The following GMDS variants were observed in gnomAD, a reference collection of about 807,000 sequenced individuals.
GMDS encodes GDP-mannose 4,6 dehydratase.
In GMDS, 20 loss-of-function variants were observed where a neutral mutation model predicts 49.9. The ratio of observed to expected loss-of-function variants is 0.40; its 90% CI spans 0.28 to 0.58. The LOEUF (loss-of-function observed/expected upper bound fraction) is 0.58, where lower values mean the gene tolerates loss of function less well. GMDS is among the 20% of genes least tolerant of loss of function. GMDS has a pLI of 0.42. For synonymous variants in GMDS, 177 were observed against 178.6 expected, an observed-to-expected ratio of 0.99 and a Z score of 0.07; for missense variants, 362 against 481.4, an observed-to-expected ratio of 0.75 and a Z score of 2.32.
chr6:1,671,813 C>T lies in GMDS; in HGVS notation c.988-47273G>A, dbSNP rs552537538. Among the ~76,000 whole-genome samples the T allele has an allele frequency of 1.9e-4, 29 of 151,856 alleles. 1 individual carries two copies. The highest frequency in any genetic ancestry group is 5.6e-4 in the African/African-American group (23 of 41,376). On this transcript the variant is annotated intron_variant, in intron 9 of 10. Transcript: ENST00000380815. Reference sequence around the variant, plus strand: ...CCGAATAGCTGGGATTACAGGTGTGCGCCACCACACCCGGCTAATTTTTGT... The same window carrying T: ...CCGAATAGCTGGGATTACAGGTGTGTGCCACCACACCCGGCTAATTTTTGT...
At chr6:2,131,968 G>A (rs1775763645) in intron 1 of GMDS, among the ~76,000 whole-genome samples, 1 of 152,108 alleles carries the variant, frequency 6.6e-6, no homozygotes, top group East Asian at 1.9e-4. Context: ...GTACTAAGAA[G>A]GATAGTGAGC....
chr6:2,015,938 G>C (rs892079011), intron 4 of GMDS, among the ~76,000 whole-genome samples: 6 of 151,722 alleles, frequency 4.0e-5, no homozygotes, highest in Admixed American at 6.6e-5. Flanking sequence ...CTTGTTGGGA[G>C]ATTTCACCTT....
At chr6:1,684,927 G>A (rs964232823) in intron 9 of GMDS, among the ~76,000 whole-genome samples, 1 of 151,838 alleles carries the variant, frequency 6.6e-6, no homozygotes, top group Non-Finnish European at 1.5e-5. Context: ...ATCAACCTGT[G>A]CCTGCCACTG....
At chr6:1,951,645 T>A (rs185249345) in intron 6 of GMDS, among the ~76,000 whole-genome samples, 1 of 150,952 alleles carries the variant, frequency 6.6e-6, no homozygotes, top group East Asian at 2.0e-4. Flanking sequence ...TATCCTCCTG[T>A]CTTAGCCTCC....
intron 7 of GMDS, among the ~76,000 whole-genome samples, chr6:1,891,622 A>G (rs765503768): frequency 1.3e-5 from 2 of 152,246 alleles, no homozygotes; most frequent in Non-Finnish European, 2.9e-5. Context: ...GTGTTAGGTC[A>G]AGAAGAGGAC....
intron 7 of GMDS, among the ~76,000 whole-genome samples, chr6:1,876,349 C>G (rs907801281): frequency 1.3e-5 from 2 of 152,044 alleles, no homozygotes; most frequent in African/African-American, 2.4e-5. Flanking sequence ...GAAAAAAAGA[C>G]GTGTTTGAAG....
At chr6:1,744,332 C>T (rs924984174) in intron 7 of GMDS, among the ~76,000 whole-genome samples, 8 of 152,008 alleles carry the variant, frequency 5.3e-5, no homozygotes, top group African/African-American at 9.7e-5. Flanking sequence ...AAGTAACTGA[C>T]GGAAGAAATT....
In GMDS at chr6:1,836,916, T is replaced by C. The variant is rs1466831703; in HGVS notation, c.771+93187A>G. 6.6e-6 allele frequency among the ~76,000 whole-genome samples: 1 copy of C among 152,270 alleles called. No homozygotes were observed. The highest frequency in any genetic ancestry group is 1.5e-5 in the Non-Finnish European group (1 of 68,044). On this transcript the variant is annotated intron_variant, in intron 7 of 10. Transcript: ENST00000380815. This position sits in a 1 kb window ranked among gnomAD's most constrained non-coding sequence, Gnocchi z 4.2. ...TTAATGATATCCAGCTGCTATTCTTTGGTACTTGCTGATAAGACTTTGTTT... is the reference window on the plus strand; with the variant it reads ...TTAATGATATCCAGCTGCTATTCTTCGGTACTTGCTGATAAGACTTTGTTT...
At chr6:1,843,765 C>T (rs1757254728) in intron 7 of GMDS, among the ~76,000 whole-genome samples, 1 of 151,972 alleles carries the variant, frequency 6.6e-6, no homozygotes, top group African/African-American at 2.4e-5. Context: ...TGAGACCCTG[C>T]CTCAAATAAA....
At position 1,640,518 on chromosome 6, in the gene GMDS, C is replaced by A. The variant is rs576793868; in HGVS notation, c.988-15978G>T. 6.6e-6 allele frequency among the ~76,000 whole-genome samples: 1 copy of A among 152,336 alleles called. No individual in the cohort carries two copies. The highest frequency in any genetic ancestry group is 2.4e-5 in the African/African-American group (1 of 41,574). On this transcript the variant is annotated intron_variant, in intron 9 of 10. Transcript: ENST00000380815. The surrounding 1 kb of genome is among the most constrained non-coding windows in gnomAD (Gnocchi z 4.0). ...CCTCCCTGACCTCTCTGCTGAGCGG[C>A]TCTCTGAGGCTATCCCATGCCCGTG...
Position 1,810,889 on chromosome 6 carries a change from A to C in GMDS, c.772-68303T>G, listed in dbSNP as rs192831782. On this transcript the variant is annotated intron_variant, in intron 7 of 10. Coordinates refer to ENST00000380815, the MANE Select transcript of GMDS (RefSeq NM_001500.4). The stretch of plus-strand genomic sequence containing the variant: ...AACAGAACAATAATGGAAACTAAAA[A>C]CATACCTTTGTGGCAATTATGTATC... Among the ~76,000 whole-genome samples the C allele has an allele frequency of 4.0e-4, 61 of 152,324 alleles. 1 individual carries two copies. Among genetic ancestry groups the C allele is most frequent in the Non-Finnish European group, 7.3e-5 (5 of 68,034 alleles).
intron 6 of GMDS, among the ~76,000 whole-genome samples, chr6:1,956,814 T>C (rs1254223089): frequency 6.7e-6 from 1 of 148,322 alleles, no homozygotes; most frequent in Non-Finnish European, 1.5e-5. Flanking sequence ...AATCATTTAT[T>C]AGCTTTTTTT....
At chr6:2,179,716 A>G (rs1445217396) in intron 1 of GMDS, among the ~76,000 whole-genome samples, 1 of 152,264 alleles carries the variant, frequency 6.6e-6, no homozygotes, top group Non-Finnish European at 1.5e-5. Flanking sequence ...ACAGATTAAG[A>G]TACTGCCAAA....
intron 6 of GMDS, among the ~76,000 whole-genome samples, chr6:1,935,429 C>G (rs1447226035): frequency 6.6e-6 from 1 of 152,156 alleles, no homozygotes; most frequent in Non-Finnish European, 1.5e-5. Flanking sequence ...AGTAAGTACT[C>G]AGTAACTGTT....
chr6:2,059,225 C>G (rs9501794), intron 4 of GMDS, among the ~76,000 whole-genome samples: 252 of 110,556 alleles, frequency 2.3e-3, no homozygotes, highest in African/African-American at 7.4e-3. Flanking sequence ...TCCAGTGTTT[C>G]TTTATGAACC....
At chr6:2,108,421 T>C (rs180869479) in intron 4 of GMDS, among the ~76,000 whole-genome samples, 2 of 152,278 alleles carry the variant, frequency 1.3e-5, no homozygotes, top group South Asian at 2.1e-4. Context: ...AAAAGATGAT[T>C]ATCATTCCTG....
intron 4 of GMDS, among the ~76,000 whole-genome samples, chr6:1,999,323 A>ATT (rs1766508507): frequency 1.2e-5 from 1 of 85,876 alleles, no homozygotes; most frequent in East Asian, 3.1e-4. Context: ...TCTGTCTCAA[A>ATT]AAAAAAAAAA....
At chr6:1,988,295 A>G (rs151191307) in intron 4 of GMDS, among the ~76,000 whole-genome samples, 3 of 152,126 alleles carry the variant, frequency 2.0e-5, no homozygotes, top group African/African-American at 7.2e-5. Context: ...TATAGTAAAT[A>G]GTGGCTTAAC....
intron 1 of GMDS, among the ~76,000 whole-genome samples, chr6:2,196,090 A>G (rs889355990): frequency 5.3e-5 from 8 of 152,224 alleles, no homozygotes; most frequent in Non-Finnish European, 1.2e-4. Context: ...ACTTACAAAC[A>G]TTAGTAACAG....
Sources: allele counts gnomAD v4.1 joint callset (sites outside exome capture counted in the v4.1 genomes callset), GRCh38; gene constraint gnomAD v4.1.1; non-coding constraint Gnocchi (gnomAD v3.1); transcripts MANE v1.5; gene names NCBI Gene and HGNC (gene_info 2026-07-23, HGNC 2026-07-21).